Variants in KIF6 observed in about 807,000 individuals in gnomAD.
The protein encoded by KIF6 is kinesin-like protein KIF6.
A neutral mutation model predicts 112.7 loss-of-function variants in KIF6; 106 were observed. The observed-to-expected ratio is 0.94, with a 90% CI of 0.80 to 1.11. The LOEUF (loss-of-function observed/expected upper bound fraction) is 1.11, where lower values mean the gene tolerates loss of function less well. Ranked by LOEUF, KIF6 falls within the 50% of genes least tolerant of loss-of-function variation. KIF6 has a pLI of 0.00. For synonymous variants in KIF6, 339 were observed against 339.9 expected (o/e 1.00, Z 0.03); for missense variants, 929 against 964.0 (o/e 0.96, Z 0.48).
intron 14 of KIF6, among the ~76,000 whole-genome samples, chr6:39,424,628 AGG>A (rs1399862813): frequency 6.6e-6 from 1 of 152,230 alleles, no homozygotes; most frequent in Admixed American, 6.5e-5. Context: ...ACTGGGTCTC[AGG>A]CTCTTCATTT....
intron 15 of KIF6, among the ~76,000 whole-genome samples, chr6:39,395,508 G>C (rs1240415283): frequency 6.6e-6 from 1 of 152,188 alleles, no homozygotes; most frequent in Admixed American, 6.5e-5. Flanking sequence ...TCAGCAAAGG[G>C]GGATATAACC....
chr6:39,419,614 G>A (rs971633628), intron 15 of KIF6, among the ~76,000 whole-genome samples: 8 of 152,158 alleles, frequency 5.3e-5, no homozygotes, highest in Non-Finnish European at 1.0e-4. Flanking sequence ...CTTGAAATAC[G>A]AAATGACGTC....
At chr6:39,477,362 A>C (rs187991147) in intron 13 of KIF6, among the ~76,000 whole-genome samples, 34 of 152,296 alleles carry the variant, frequency 2.2e-4, no homozygotes, top group African/African-American at 7.7e-4. Context: ...TATGTGTGGA[A>C]ATTTATTTTG....
chr6:39,702,898 T>TAGC (rs5875676), intron 3 of KIF6, among the ~76,000 whole-genome samples: 1 of 3,526 alleles, frequency 2.8e-4, no homozygotes, highest in Non-Finnish European at 1.1e-3. Context: ...AAATGTCATT[T>TAGC]GCATGCAAAA....
intron 14 of KIF6, among the ~76,000 whole-genome samples, chr6:39,424,997 G>A (rs1770657975): frequency 6.6e-6 from 1 of 152,182 alleles, no homozygotes; most frequent in African/African-American, 2.4e-5. Context: ...TCCTGCTGTG[G>A]GGTGTGTCAG....
chr6:39,684,015 G>A (rs1787692793), intron 3 of KIF6, among the ~76,000 whole-genome samples: 1 of 152,210 alleles, frequency 6.6e-6, no homozygotes, highest in African/African-American at 2.4e-5. Context: ...ATGAAAGAAT[G>A]TTCCAATTCT....
chr6:39,342,477 G>A lies in KIF6; in HGVS notation c.2428+1232C>T, dbSNP rs1418640261. 3.3e-5 allele frequency among the ~76,000 whole-genome samples: 5 copies of A among 152,150 alleles called. No homozygotes were observed. Among genetic ancestry groups the A allele is most frequent in the Admixed American group, 3.3e-4 (5 of 15,276 alleles). On this transcript the variant is annotated intron_variant, in intron 22 of 22. Transcript: ENST00000287152. The surrounding 1 kb of genome is among the most constrained non-coding windows in gnomAD (Gnocchi z 4.7). The stretch of plus-strand genomic sequence containing the variant: ...CTAGTAGTAGTGCCTGGCATAAGAA[G>A]GCACCCAACATATACAGTGTTTGCT...
Position 39,590,253 on chromosome 6 carries a change from T to C in KIF6, c.847-3849A>G, listed in dbSNP as rs141651544. Among the ~76,000 whole-genome samples, 16 of 152,200 alleles carry C rather than the reference T, an allele frequency of 1.1e-4. No homozygotes were observed. The East Asian group carries it at 2.5e-3, about 24-fold the overall frequency. On this transcript the variant is annotated intron_variant, in intron 7 of 22. Coordinates refer to ENST00000287152, the MANE Select transcript of KIF6 (RefSeq NM_145027.6). The stretch of plus-strand genomic sequence containing the variant: ...GTGTGGCATTATTGCTTATAAATAA[T>C]TTCTCTAAGTACTTTGAAGTTCTTA...
intron 5 of KIF6, among the ~76,000 whole-genome samples, chr6:39,625,821 T>TCCAA (rs1207258412): frequency 1.3e-5 from 2 of 152,118 alleles, no homozygotes; most frequent in Admixed American, 1.3e-4. Context: ...GGGGGAGAAC[T>TCCAA]GGCTTCCAAA....
chr6:39,597,300 T>C (rs1039222541), intron 6 of KIF6, among the ~76,000 whole-genome samples: 1 of 152,052 alleles, frequency 6.6e-6, no homozygotes, highest in Non-Finnish European at 1.5e-5. Context: ...AGTTGCTCCA[T>C]CAAAAAATAA....
At chr6:39,700,614 A>G (rs913533532) in intron 3 of KIF6, among the ~76,000 whole-genome samples, 2 of 152,128 alleles carry the variant, frequency 1.3e-5, no homozygotes, top group African/African-American at 2.4e-5. Context: ...GCATTCCCTC[A>G]CTGTATCTAC....
intron 15 of KIF6, among the ~76,000 whole-genome samples, chr6:39,398,369 C>T (rs2150335093): frequency 6.6e-6 from 1 of 152,308 alleles, no homozygotes; most frequent in South Asian, 2.1e-4. Flanking sequence ...TTCATTTCAG[C>T]TAATGGAGCA....
chr6:39,493,677 T>C (rs544373824), intron 13 of KIF6, among the ~76,000 whole-genome samples: 52 of 152,366 alleles, frequency 3.4e-4, no homozygotes, highest in Non-Finnish European at 7.1e-4. Flanking sequence ...CCACAGATCA[T>C]CAAGAACTAG....
chr6:39,615,118 A>G (rs1359595317), intron 5 of KIF6, among the ~76,000 whole-genome samples: 1 of 151,882 alleles, frequency 6.6e-6, no homozygotes, highest in Non-Finnish European at 1.5e-5. Flanking sequence ...GGCTGCAGTG[A>G]GCTATGATTG....
chr6:39,632,312 C>T (rs554252227), intron 5 of KIF6, among the ~76,000 whole-genome samples: 19 of 152,222 alleles, frequency 1.2e-4, no homozygotes, highest in African/African-American at 4.1e-4. Flanking sequence ...CAACATGACC[C>T]TGAGTTGATT....
At chr6:39,506,845 G>A (rs1157781863) in intron 13 of KIF6, among the ~76,000 whole-genome samples, 1 of 152,130 alleles carries the variant, frequency 6.6e-6, no homozygotes, top group African/African-American at 2.4e-5. Flanking sequence ...ACAGGAAGGG[G>A]AGAAGGGCTT....
rs1778707554 is a variant in KIF6, at chr6:39,540,152, T to A, written c.1496A>T (p.Asp499Val). The A allele has an allele frequency of 6.2e-7, 1 of 1,614,056 alleles. No individual in the cohort carries two copies. The change falls in exon 13 of 23, where the codon GAT becomes GTT. Residue 499 changes from aspartate (D) to valine (V), a missense_variant. Asp to Val is a radical substitution (Grantham distance 152). Transcript: ENST00000287152. ...CTGGGACTGTCTGAATTCACGTCTATCCATGCCAGCCAAGTGGAGAGCCTC... is the reference window on the plus strand; with the variant it reads ...CTGGGACTGTCTGAATTCACGTCTAACCATGCCAGCCAAGTGGAGAGCCTC... ...AQEALHLAGM[D>V]RREFRQSQSP...
intron 13 of KIF6, among the ~76,000 whole-genome samples, chr6:39,508,967 C>T (rs1158167337): frequency 1.3e-5 from 2 of 152,100 alleles, no homozygotes; most frequent in South Asian, 4.1e-4. Flanking sequence ...GAGACACCTC[C>T]CAGTAGGGGC....
intron 13 of KIF6, among the ~76,000 whole-genome samples, chr6:39,531,726 T>C (rs546825669): frequency 3.3e-5 from 5 of 152,180 alleles, no homozygotes; most frequent in Non-Finnish European, 7.4e-5. Context: ...ATCCTCACCC[T>C]TACCCCCAGC....
Sources: allele counts gnomAD v4.1 joint callset (sites outside exome capture counted in the v4.1 genomes callset), GRCh38; gene constraint gnomAD v4.1.1; non-coding constraint Gnocchi (gnomAD v3.1); transcripts MANE v1.5; gene names NCBI Gene and HGNC (gene_info 2026-07-23, HGNC 2026-07-21).